ASTN2: variants seen among roughly 807,000 people sequenced by gnomAD.
The protein encoded by ASTN2 is astrotactin-2.
Under a neutral mutation model 139.8 loss-of-function variants are expected in ASTN2, and 54 were observed. That is an observed-to-expected ratio of 0.39 (90% CI 0.31 to 0.48). The LOEUF (loss-of-function observed/expected upper bound fraction) is 0.48. Ranked by LOEUF, ASTN2 falls within the 20% of genes least tolerant of loss-of-function variation. ASTN2 has a pLI of 0.95. For missense variants in ASTN2, 1,565 were observed against 1,725.1 expected (o/e 0.91, Z 1.64); for synonymous variants, 756 against 719.5 (o/e 1.05, Z -0.81).
At chr9:116,558,690 C>G (rs560460094) in intron 19 of ASTN2, among the ~76,000 whole-genome samples, 7 of 152,300 alleles carry the variant, frequency 4.6e-5, no homozygotes, top group African/African-American at 1.7e-4. Flanking sequence ...GCTATATTCT[C>G]AGACCATTCA....
chr9:116,684,403 G>T (rs1052018790), intron 16 of ASTN2, among the ~76,000 whole-genome samples: 3 of 152,172 alleles, frequency 2.0e-5, no homozygotes, highest in African/African-American at 7.2e-5. Context: ...GTTAGCTGTT[G>T]TTAGCTGTCC....
At chr9:117,027,737 G>A (rs1296680572) in intron 6 of ASTN2, among the ~76,000 whole-genome samples, 1 of 152,122 alleles carries the variant, frequency 6.6e-6, no homozygotes, top group East Asian at 1.9e-4. Context: ...TGTCCTGATG[G>A]TTCAGATTAT....
At chr9:116,886,054 C>T (rs1833588800) in intron 10 of ASTN2, among the ~76,000 whole-genome samples, 1 of 152,242 alleles carries the variant, frequency 6.6e-6, no homozygotes, top group African/African-American at 2.4e-5. Context: ...CAGGACTGAT[C>T]CTCTTGCCTC....
chr9:116,939,246 G>T (rs572436139), intron 10 of ASTN2, among the ~76,000 whole-genome samples: 1 of 152,124 alleles, frequency 6.6e-6, no homozygotes, highest in African/African-American at 2.4e-5. Flanking sequence ...ATAGTAGCTA[G>T]CTATTAGTAG....
At chr9:117,265,230 C>T (rs1044549043) in intron 2 of ASTN2, among the ~76,000 whole-genome samples, 3 of 152,090 alleles carry the variant, frequency 2.0e-5, no homozygotes, top group Non-Finnish European at 4.4e-5. Context: ...AAAAGAAGGC[C>T]ATAAAGAATA....
chr9:116,725,411 A>C (rs1047897762), intron 16 of ASTN2, among the ~76,000 whole-genome samples: 1 of 151,940 alleles, frequency 6.6e-6, no homozygotes, highest in Non-Finnish European at 1.5e-5. Flanking sequence ...CCTGGAGAGA[A>C]GAAAGTGTCA....
intron 2 of ASTN2, among the ~76,000 whole-genome samples, chr9:117,291,041 G>A (rs1298941208): frequency 4.6e-5 from 7 of 152,234 alleles, no homozygotes; most frequent in African/African-American, 9.6e-5. Flanking sequence ...CATGACAGAT[G>A]TTAAACAGCT....
intron 20 of ASTN2, among the ~76,000 whole-genome samples, chr9:116,464,652 T>C (rs979972829): frequency 1.3e-5 from 2 of 152,186 alleles, no homozygotes; most frequent in African/African-American, 4.8e-5. Flanking sequence ...GGGGGTAGAA[T>C]ATGAGAAACT....
chr9:117,123,161 A>G (rs1316821157), intron 4 of ASTN2, among the ~76,000 whole-genome samples: 1 of 152,078 alleles, frequency 6.6e-6, no homozygotes, highest in Non-Finnish European at 1.5e-5. Context: ...AGGGGCTGAG[A>G]ATTTACAGTT....
At chr9:116,784,030 GA>G (rs1170312566) in intron 13 of ASTN2, among the ~76,000 whole-genome samples, 3 of 151,948 alleles carry the variant, frequency 2.0e-5, no homozygotes, top group Admixed American at 6.6e-5. Flanking sequence ...GTATTTCAGA[GA>G]AAAAAATAGT....
chr9:116,601,435 CAGGT>C (rs564979855), intron 19 of ASTN2, among the ~76,000 whole-genome samples: 28 of 152,246 alleles, frequency 1.8e-4, no homozygotes, highest in Admixed American at 1.2e-3. Flanking sequence ...TATATTTTAA[CAGGT>C]AACTCTGGCT....
intron 19 of ASTN2, among the ~76,000 whole-genome samples, chr9:116,523,805 C>A (rs1850979279): frequency 6.6e-6 from 1 of 152,138 alleles, no homozygotes; most frequent in Non-Finnish European, 1.5e-5. Context: ...CTAAACCAAG[C>A]AGTTCATGGG....
At chr9:117,085,221 G>T (rs1243887067) in intron 5 of ASTN2, among the ~76,000 whole-genome samples, 1 of 152,186 alleles carries the variant, frequency 6.6e-6, no homozygotes, top group African/African-American at 2.4e-5. Context: ...GAAGATTCTG[G>T]ATTGCTTAGA....
intron 4 of ASTN2, among the ~76,000 whole-genome samples, chr9:117,130,381 G>T (rs898699645): frequency 6.6e-6 from 1 of 152,062 alleles, no homozygotes; most frequent in African/African-American, 2.4e-5. Flanking sequence ...TGTAATTTCT[G>T]ATGCTTTGGG....
chr9:117,243,523 G>A (rs1204847966), intron 2 of ASTN2, among the ~76,000 whole-genome samples: 1 of 152,156 alleles, frequency 6.6e-6, no homozygotes, highest in Non-Finnish European at 1.5e-5. Context: ...AATTACTGAT[G>A]CCTCACTATG....
intron 19 of ASTN2, chr9:116,568,998 G>A (rs535661199): frequency 6.6e-6 from 1 of 152,260 alleles, no homozygotes; most frequent in African/African-American, 2.4e-5. Context: ...ATAGGGTCAA[G>A]GTTGGTCCAA....
At position 116,953,484 on chromosome 9, in the gene ASTN2, GA is replaced by G. The variant is rs543961674; in HGVS notation, c.1889+21723del. On this transcript the variant is annotated intron_variant, in intron 10 of 22. Transcript: ENST00000313400. ...AGGCAGAGAGACCCAGAGGAACCCAGAATGAGACACTCATTTTTGCATCCTC... is the reference window on the plus strand; with the variant it reads ...AGGCAGAGAGACCCAGAGGAACCCAGATGAGACACTCATTTTTGCATCCTC... Among the ~76,000 whole-genome samples, 11 of 152,306 alleles carry G rather than the reference GA, an allele frequency of 7.2e-5. No individual in the cohort carries two copies. In the East Asian group the frequency reaches 1.9e-3, roughly 27 times the overall value.
chr9:117,325,702 C>T (rs1828491804), intron 1 of ASTN2, among the ~76,000 whole-genome samples: 1 of 152,148 alleles, frequency 6.6e-6, no homozygotes, highest in South Asian at 2.1e-4. Flanking sequence ...ATGCCACTTT[C>T]CCTCACGCCC....
At chr9:116,446,955 T>A (rs1848018463) in intron 20 of ASTN2, among the ~76,000 whole-genome samples, 1 of 152,198 alleles carries the variant, frequency 6.6e-6, no homozygotes, top group African/African-American at 2.4e-5. Flanking sequence ...CAGGACATCA[T>A]CTTCATCATC....
Sources: allele counts gnomAD v4.1 joint callset (sites outside exome capture counted in the v4.1 genomes callset), GRCh38; gene constraint gnomAD v4.1.1; transcripts MANE v1.5; gene names NCBI Gene and HGNC (gene_info 2026-07-23, HGNC 2026-07-21).